The following CLSTN2 variants were observed in gnomAD, a reference collection of about 807,000 sequenced individuals.
The protein encoded by CLSTN2 is calsyntenin-2.
CLSTN2 carries 48 observed loss-of-function variants against 101.2 expected under a neutral mutation model. That is an observed-to-expected ratio of 0.47 (90% CI 0.38 to 0.60). The LOEUF (loss-of-function observed/expected upper bound fraction) is 0.60. Ranked by LOEUF, CLSTN2 falls within the 20% of genes least tolerant of loss-of-function variation. The pLI is 0.00. For missense variants in CLSTN2, 1,160 were observed against 1,238.2 expected, an observed-to-expected ratio of 0.94 and a Z score of 0.95; for synonymous variants, 481 against 463.6, an observed-to-expected ratio of 1.04 and a Z score of -0.48.
chr3:140,011,493 A>T (rs957687576), intron 1 of CLSTN2, among the ~76,000 whole-genome samples: 4 of 152,192 alleles, frequency 2.6e-5, no homozygotes, highest in Non-Finnish European at 5.9e-5. Flanking sequence ...CCAACTGCTG[A>T]ATCTCTCTGA....
At chr3:140,141,925 T>C (rs2009706723) in intron 1 of CLSTN2, among the ~76,000 whole-genome samples, 2 of 152,208 alleles carry the variant, frequency 1.3e-5, no homozygotes, top group Non-Finnish European at 2.9e-5. Context: ...AGGGGTCTTG[T>C]CCTGAGTAGT....
intron 2 of CLSTN2, among the ~76,000 whole-genome samples, chr3:140,315,644 T>C (rs1269254370): frequency 6.6e-6 from 1 of 152,218 alleles, no homozygotes; most frequent in Non-Finnish European, 1.5e-5. Flanking sequence ...TAAAGGAAGA[T>C]TAAAAGGTTC....
intron 8 of CLSTN2, among the ~76,000 whole-genome samples, chr3:140,484,144 T>G (rs1934188778): frequency 1.3e-5 from 2 of 152,218 alleles, no homozygotes; most frequent in African/African-American, 2.4e-5. Flanking sequence ...AGGAGCTCTT[T>G]TACGGCAGGC....
intron 2 of CLSTN2, among the ~76,000 whole-genome samples, chr3:140,352,885 A>G (rs920719231): frequency 1.3e-5 from 2 of 152,178 alleles, no homozygotes; most frequent in African/African-American, 4.8e-5. Flanking sequence ...CTAGTAATAC[A>G]GTTGGCCCTC....
At chr3:140,106,087 T>C (rs965211790) in intron 1 of CLSTN2, among the ~76,000 whole-genome samples, 16 of 152,190 alleles carry the variant, frequency 1.1e-4, no homozygotes, top group Admixed American at 7.9e-4. Flanking sequence ...CTGCCTTATA[T>C]AGTCAGATCC....
At chr3:140,361,005 T>C (rs1037036798) in intron 2 of CLSTN2, among the ~76,000 whole-genome samples, 5 of 152,190 alleles carry the variant, frequency 3.3e-5, no homozygotes, top group Non-Finnish European at 7.3e-5. Flanking sequence ...GTTGGTTTTT[T>C]CTGTGTGGTC....
chr3:140,002,353 A>G (rs1277382167), intron 1 of CLSTN2, among the ~76,000 whole-genome samples: 2 of 152,238 alleles, frequency 1.3e-5, no homozygotes, highest in Non-Finnish European at 2.9e-5. Flanking sequence ...TATCATTTGT[A>G]TGTCTTCTTT....
intron 8 of CLSTN2, among the ~76,000 whole-genome samples, chr3:140,474,367 C>A (rs558703876): frequency 3.5e-4 from 53 of 152,248 alleles, no homozygotes; most frequent in African/African-American, 1.2e-3. Flanking sequence ...CTTTTTAAAA[C>A]CCCCATTCAC....
intron 2 of CLSTN2, among the ~76,000 whole-genome samples, chr3:140,355,418 G>A (rs2087659089): frequency 6.6e-6 from 1 of 152,160 alleles, no homozygotes; most frequent in African/African-American, 2.4e-5. Flanking sequence ...ATGAGAAAAT[G>A]CCCTCAGCAT....
intron 2 of CLSTN2, among the ~76,000 whole-genome samples, chr3:140,258,698 T>C (rs1352038347): frequency 6.6e-6 from 1 of 152,224 alleles, no homozygotes; most frequent in Non-Finnish European, 1.5e-5. Flanking sequence ...AAACTTCATC[T>C]TAATATCTTT....
At chr3:140,424,876 G>A (rs2088547112) in intron 5 of CLSTN2, among the ~76,000 whole-genome samples, 1 of 152,128 alleles carries the variant, frequency 6.6e-6, no homozygotes, top group Non-Finnish European at 1.5e-5. Flanking sequence ...AGGGGCCTGT[G>A]GTAGGGGAGG....
chr3:140,176,098 G>T (rs1459408657), intron 2 of CLSTN2, 25 bp downstream of exon 2: 1 of 1,612,116 alleles, frequency 6.2e-7, no homozygotes, highest in Non-Finnish European at 8.5e-7. Flanking sequence ...TCGTACGGCT[G>T]GGCCTGGCTC....
At chr3:140,262,519 A>C (rs2086661963) in intron 2 of CLSTN2, among the ~76,000 whole-genome samples, 1 of 152,150 alleles carries the variant, frequency 6.6e-6, no homozygotes, top group Non-Finnish European at 1.5e-5. Context: ...AATGTGAAGA[A>C]GTAATATTGT....
intron 8 of CLSTN2, among the ~76,000 whole-genome samples, chr3:140,472,298 A>G (rs1161592393): frequency 1.3e-5 from 2 of 152,224 alleles, no homozygotes; most frequent in Non-Finnish European, 2.9e-5. Flanking sequence ...CTACTTGCAT[A>G]GAATTCTAAA....
In CLSTN2 at chr3:140,574,335, T is replaced by C. The variant is rs929218929; in HGVS notation, c.*8082T>C. 4 of 152,244 alleles carry C rather than the reference T, an allele frequency of 2.6e-5. No homozygotes were observed. Among genetic ancestry groups the C allele is most frequent in the African/African-American group, 9.6e-5 (4 of 41,462 alleles). The allele number at this position is 152,244 out of a possible 1,614,324, so 9.4% of individuals were successfully genotyped here. A position where few individuals can be genotyped will look rare whatever the true frequency, so the allele number is the denominator to read the frequency against. On this transcript the variant is annotated 3_prime_UTR_variant, in exon 17 of 17. Coordinates refer to ENST00000458420, the MANE Select transcript of CLSTN2 (RefSeq NM_022131.3). ...AGTGGGGTTGTTTGGGGACTACCCC[T>C]TCCTAGCTATAGTCAGTAAATGGAG...
intron 1 of CLSTN2, among the ~76,000 whole-genome samples, chr3:140,100,161 T>C: frequency 6.7e-6 from 1 of 150,348 alleles, no homozygotes; most frequent in Non-Finnish European, 1.5e-5. Context: ...TTTTTTTTTT[T>C]GAACCATGCA....
intron 2 of CLSTN2, among the ~76,000 whole-genome samples, chr3:140,317,358 C>T (rs1394686456): frequency 6.6e-6 from 1 of 152,088 alleles, no homozygotes; most frequent in African/African-American, 2.4e-5. Flanking sequence ...ACCTCAGCTG[C>T]AAAGACCAAA....
chr3:140,461,661 G>T (rs1021774610), intron 7 of CLSTN2, among the ~76,000 whole-genome samples: 2 of 152,132 alleles, frequency 1.3e-5, no homozygotes, highest in Non-Finnish European at 2.9e-5. Context: ...TAGTGCACTT[G>T]TAAAAATGTG....
intron 2 of CLSTN2, among the ~76,000 whole-genome samples, chr3:140,380,080 A>G (rs2087962324): frequency 6.6e-6 from 1 of 152,162 alleles, no homozygotes; most frequent in African/African-American, 2.4e-5. Flanking sequence ...TTCAGACAAC[A>G]CCAGGGGAAA....
Sources: gnomAD v4.1 joint callset for allele counts (sites outside exome capture counted in the v4.1 genomes callset) on GRCh38, gnomAD v4.1.1 for gene constraint, MANE v1.5 for transcripts, NCBI Gene and HGNC (gene_info 2026-07-23, HGNC 2026-07-21) for gene names.